The following PHF8 variants were observed in gnomAD, a reference collection of about 807,000 sequenced individuals.
The protein encoded by PHF8 is PHD finger protein 8.
PHF8 carries 9 observed loss-of-function variants against 74.4 expected under a neutral mutation model. The ratio of observed to expected loss-of-function variants is 0.12; its 90% CI spans 0.07 to 0.21. The LOEUF is 0.21. PHF8 is among the 10% of genes least tolerant of loss of function. The pLI is 1.00. For missense variants in PHF8, 478 were observed against 816.6 expected, an observed-to-expected ratio of 0.59 and a Z score of 5.05; for synonymous variants, 311 against 316.6, an observed-to-expected ratio of 0.98 and a Z score of 0.19.
chrX:53,984,907 C>T lies in PHF8; in HGVS notation c.2443+7G>A, dbSNP rs1350949593. On this transcript the variant is annotated splice_region_variant and intron_variant, in intron 18 of 21. Transcript: ENST00000338154. Reference sequence around the variant, plus strand: ...TGGCCTGAACCCATGTGCTTAGCTGCCCTTACTATACTCTGCATCCTTGAA... The same window carrying T: ...TGGCCTGAACCCATGTGCTTAGCTGTCCTTACTATACTCTGCATCCTTGAA... 8.3e-7 allele frequency: 1 copy of T among 1,198,076 alleles called. No homozygotes were observed. The highest frequency in any genetic ancestry group is 1.1e-6 in the Non-Finnish European group (1 of 884,663).
intron 19 of PHF8, among the ~76,000 whole-genome samples, chrX:53,956,898 T>C (rs912034403): frequency 1.8e-5 from 2 of 111,501 alleles, no homozygotes; most frequent in South Asian, 7.4e-4. Flanking sequence ...TGTTGTTTGC[T>C]TATGAATTAC....
chrX:53,947,050 G>A (rs369024968), intron 19 of PHF8, among the ~76,000 whole-genome samples: 3 of 111,435 alleles, frequency 2.7e-5, no homozygotes, highest in Non-Finnish European at 5.7e-5. Context: ...TTGCTTTGTC[G>A]CCCAAGGCTA....
Position 53,938,413 on chromosome X carries a change from G to T in PHF8, c.*745C>A. ...CACCCTAAAACAAGTGGCCTCATGTGTAGCCAGCTAAAAGTAGCTTCCTCC... is the reference window on the plus strand; with the variant it reads ...CACCCTAAAACAAGTGGCCTCATGTTTAGCCAGCTAAAAGTAGCTTCCTCC... On this transcript the variant is annotated 3_prime_UTR_variant, in exon 22 of 22. Coordinates refer to ENST00000338154, the MANE Select transcript of PHF8 (RefSeq NM_015107.3). The T allele has an allele frequency of 3.7e-6, 3 of 814,676 alleles. No homozygotes were observed. The highest frequency in any genetic ancestry group is 1.3e-3 in the Middle Eastern group (2 of 1,586). The allele number at this position is 814,676 out of a possible 1,213,427, so 67.1% of individuals were successfully genotyped here. A position where few individuals can be genotyped will look rare whatever the true frequency, so the allele number is the denominator to read the frequency against.
chrX:54,002,735 ATT>A, intron 8 of PHF8, 53 bp from the exon 9 acceptor site: 1 of 818,241 alleles, frequency 1.2e-6, no homozygotes, highest in Non-Finnish European at 1.9e-6. Flanking sequence ...TCTTCCTCTG[ATT>A]ATCTCCACTA....
chrX:53,944,146 C>A lies in PHF8; in HGVS notation c.2637G>T (p.Lys879Asn). 8.4e-7 allele frequency: 1 copy of A among 1,196,945 alleles called. No individual in the cohort carries two copies. The highest frequency in any genetic ancestry group is 1.1e-6 in the Non-Finnish European group (1 of 882,835). ...IETGLAAAAA[K>N]LAQQELQKAQ... is the part of the protein sequence containing the mutation. ...TGTCAGCACCTACCTGCTGGGCCAG[C>A]TTTGCAGCTGCTGCAGCCAAACCTG... Residue 879 changes from lysine (K) to asparagine (N), a missense_variant, in exon 20 of 22, where the codon AAG becomes AAT. Coordinates refer to ENST00000338154, the MANE Select transcript of PHF8 (RefSeq NM_015107.3).
intron 19 of PHF8, chrX:53,944,606 T>G: frequency 5.6e-6 from 1 of 180,057 alleles, no homozygotes; most frequent in Non-Finnish European, 1.1e-5. Flanking sequence ...TAGTCCTAGC[T>G]ACTTGGGAGG....
intron 19 of PHF8, among the ~76,000 whole-genome samples, chrX:53,954,642 GATATAT>G (rs10544503): frequency 6.5e-5 from 6 of 92,852 alleles, no homozygotes; most frequent in South Asian, 5.7e-4. Context: ...CTGGGTGACA[GATATAT>G]ATATATATAT....
intron 9 of PHF8, 146 bp downstream of exon 9, chrX:54,002,449 T>G: frequency 5.5e-6 from 3 of 547,182 alleles, no homozygotes; most frequent in Non-Finnish European, 9.8e-6. Context: ...AACTACTAAG[T>G]GCAGAAAAGG....
rs1343820654 is a variant in PHF8 at position 53,978,021 on chromosome X, C to G, written c.2443+6893G>C. Among the ~76,000 whole-genome samples the G allele has an allele frequency of 2.9e-5, 3 of 104,143 alleles. No homozygotes were observed. In the Admixed American group the frequency reaches 3.1e-4, roughly 11 times the overall value. 90.4% of individuals were successfully genotyped at this position (104,143 alleles called of 115,157 possible). ...AGTGCAGTGATGCAATCTCGGTTCA[C>G]TGCAACCTCCACCTCCCAGGTTGAA... On this transcript the variant is annotated intron_variant, in intron 18 of 21. Transcript: ENST00000338154.
Position 54,022,331 on chromosome X carries a change from G to A in PHF8, c.221C>T (p.Thr74Ile), listed in dbSNP as rs999300149. The A allele has an allele frequency of 8.3e-7, 1 of 1,206,012 alleles. No individual in the cohort carries two copies. Among genetic ancestry groups the A allele is most frequent in the Non-Finnish European group, 1.1e-6 (1 of 890,271 alleles). The change falls in exon 4 of 22, where the codon ACA becomes ATA. Residue 74 changes from threonine (T) to isoleucine (I), a missense_variant. Transcript: ENST00000338154. ...GGTCTTCACTGGTTTCCCCTTGTGT[G>A]TATCATGCCCCTTTGAAGATCCACG... ...KRRGSSKGHD[T>I]HKGKPVKTGS...
chrX:54,007,992 C>G (rs1293611183), intron 8 of PHF8, among the ~76,000 whole-genome samples: 1 of 112,093 alleles, frequency 8.9e-6, no homozygotes, highest in Non-Finnish European at 1.9e-5. Context: ...CCAAAAAGTG[C>G]AAACAACTCA....
Position 53,993,748 on chromosome X carries a change from T to C in PHF8, c.1479A>G (p.Lys493=). The C allele has an allele frequency of 1.7e-6, 2 of 1,212,038 alleles. No individual in the cohort carries two copies. The highest frequency in any genetic ancestry group is 1.8e-5 in the South Asian group (1 of 57,028). The change falls in exon 13 of 22, where the codon AAA becomes AAG. Residue 493 remains lysine, a synonymous_variant. Transcript: ENST00000338154. ...SLPSKNGSKK[K]GLKPKELFKK... is the part of the protein sequence containing the mutation. ...TGAAGAGTTCCTTGGGCTTCAGGCC[T>C]TTCTTCTTTGAACCATTTTTGGAGG...
chrX:54,010,042 G>A (rs1395354452), intron 8 of PHF8, among the ~76,000 whole-genome samples: 2 of 109,361 alleles, frequency 1.8e-5, no homozygotes, highest in African/African-American at 3.3e-5. Context: ...GGCTGGGTGC[G>A]GTGGCTCACG....
upstream of PHF8, among the ~76,000 whole-genome samples, chrX:54,048,249 A>G (rs1022368346): frequency 6.3e-5 from 7 of 110,353 alleles, no homozygotes; most frequent in East Asian, 2.0e-3. Context: ...GGTGGGCTAC[A>G]GGTGGGGGTC....
Position 53,999,954 on chromosome X carries a change from T to C in PHF8, c.1149A>G (p.Arg383=). 8.5e-7 allele frequency: 1 copy of C among 1,175,915 alleles called. No homozygotes were observed. The highest frequency in any genetic ancestry group is 1.2e-6 in the Non-Finnish European group (1 of 863,320). The change falls in exon 11 of 22, where the codon CGA becomes CGG. Residue 383 remains arginine (R), a synonymous_variant. Coordinates refer to ENST00000338154, the MANE Select transcript of PHF8 (RefSeq NM_015107.3). ...AGGAGGCAGGGTGTCTCCTGTTCTC[T>C]CGCAAACCTAAAGGAGGAAAGAGGA... ...KHILDIFRGL[R]ENRRHPASYL...
chrX:54,006,051 T>C (rs1025310741), intron 8 of PHF8, among the ~76,000 whole-genome samples: 4 of 112,466 alleles, frequency 3.6e-5, no homozygotes, highest in Non-Finnish European at 5.6e-5. Flanking sequence ...CAGAGGATAG[T>C]AGCCCTCTTG....
intron 2 of PHF8, among the ~76,000 whole-genome samples, chrX:54,029,232 T>C (rs782755320): frequency 7.2e-5 from 8 of 111,728 alleles, no homozygotes; most frequent in Non-Finnish European, 1.1e-4. Context: ...CCCTATTCTG[T>C]CCCTACCCAA....
At chrX:53,953,680 G>C (rs1182543212) in intron 19 of PHF8, among the ~76,000 whole-genome samples, 1 of 106,166 alleles carries the variant, frequency 9.4e-6, no homozygotes, top group Non-Finnish European at 1.9e-5. Flanking sequence ...CTAGAAAATA[G>C]CTATTAAACA....
chrX:53,986,003 C>T (rs2065558825), intron 16 of PHF8, 54 bp from the exon 17 acceptor site: 1 of 1,123,778 alleles, frequency 8.9e-7, no homozygotes. Context: ...CTGGTAAGGC[C>T]CCAGTACAGG....
Sources: allele counts gnomAD v4.1 joint callset (sites outside exome capture counted in the v4.1 genomes callset), GRCh38; gene constraint gnomAD v4.1.1; transcripts MANE v1.5; gene names NCBI Gene and HGNC (gene_info 2026-07-23, HGNC 2026-07-21).